Variants in HCRTR2 observed in about 807,000 individuals in gnomAD.
HCRTR2 encodes hypocretin receptor 2.
In HCRTR2, 22 loss-of-function variants were observed where a neutral mutation model predicts 49.0. The ratio of observed to expected loss-of-function variants is 0.45; its 90% CI spans 0.32 to 0.64. HCRTR2 has a LOEUF of 0.64. Among genes scored for constraint, HCRTR2 ranks in the 30% least tolerant of loss-of-function variants. HCRTR2 has a pLI of 0.04. For missense variants in HCRTR2, 491 were observed against 559.4 expected, an observed-to-expected ratio of 0.88 and a Z score of 1.23; for synonymous variants, 236 against 205.3, an observed-to-expected ratio of 1.15 and a Z score of -1.28.
chr6:55,238,416 C>T lies in HCRTR2; in HGVS notation c.224-10223C>T, dbSNP rs765217154. 3.7e-4 allele frequency among the ~76,000 whole-genome samples: 56 copies of T among 152,288 alleles called. 1 individual carries two copies. Among genetic ancestry groups the T allele is most frequent in the Middle Eastern group, 3.4e-3 (1 of 294 alleles). Reference sequence around the variant, plus strand: ...GCAACATAAAGACATATATTTTCCACATATTCCGCCTAAGTAATCTTTGAA... The same window carrying T: ...GCAACATAAAGACATATATTTTCCATATATTCCGCCTAAGTAATCTTTGAA... On this transcript the variant is annotated intron_variant, in intron 1 of 6. Coordinates refer to ENST00000370862, the MANE Select transcript of HCRTR2 (RefSeq NM_001384272.1).
chr6:55,180,069 T>G (rs1765104935), intron 1 of HCRTR2, among the ~76,000 whole-genome samples: 1 of 152,234 alleles, frequency 6.6e-6, no homozygotes, highest in African/African-American at 2.4e-5. Context: ...CAAAGGAAAT[T>G]TGTTGAATAT....
chr6:55,190,536 G>A (rs1014117267), intron 1 of HCRTR2, among the ~76,000 whole-genome samples: 6 of 152,158 alleles, frequency 3.9e-5, no homozygotes, highest in Non-Finnish European at 7.3e-5. Context: ...GACAGGTATG[G>A]TGAAATACAT....
At chr6:55,218,660 C>G (rs989849706) in intron 1 of HCRTR2, among the ~76,000 whole-genome samples, 3 of 151,842 alleles carry the variant, frequency 2.0e-5, no homozygotes, top group Non-Finnish European at 4.4e-5. Flanking sequence ...TCACAAGGAA[C>G]AAAGAAGGAC....
chr6:55,186,844 C>T (rs1765223781), intron 1 of HCRTR2, among the ~76,000 whole-genome samples: 1 of 152,134 alleles, frequency 6.6e-6, no homozygotes, highest in South Asian at 2.1e-4. Flanking sequence ...CCCATAGAGC[C>T]TAAGCTTTAG....
At chr6:55,193,206 G>C (rs1765350926) in intron 1 of HCRTR2, among the ~76,000 whole-genome samples, 1 of 152,092 alleles carries the variant, frequency 6.6e-6, no homozygotes, top group Admixed American at 6.6e-5. Context: ...TTAACCTCAA[G>C]GACATGACAG....
chr6:55,221,678 T>C (rs111977492), intron 1 of HCRTR2, among the ~76,000 whole-genome samples: 2,326 of 151,724 alleles, frequency 0.015, 65 homozygotes, highest in African/African-American at 0.053. Flanking sequence ...CCGGGCGTGG[T>C]GGTGGGCGCC....
intron 1 of HCRTR2, among the ~76,000 whole-genome samples, chr6:55,160,010 A>G (rs970332019): frequency 6.6e-6 from 1 of 152,156 alleles, no homozygotes; most frequent in African/African-American, 2.4e-5. Context: ...ACTCCTCGAG[A>G]AAAACAACCC....
Position 55,267,404 on chromosome 6 carries a change from G to GTTTTT in HCRTR2, c.762+3595_762+3599dup, listed in dbSNP as rs200158940. On this transcript the variant is annotated intron_variant, in intron 4 of 6. Transcript: ENST00000370862. ...AACTACTTAAATTCTCTCTCTCTCT[G>GTTTTT]TTTTTTTTTTTTTTTTTGGCAATTC... is the stretch of plus-strand genomic sequence containing the variant. Among the ~76,000 whole-genome samples, 97 of 124,542 alleles carry GTTTTT rather than the reference G, an allele frequency of 7.8e-4. 1 individual carries two copies. The highest frequency in any genetic ancestry group is 2.7e-3 in the African/African-American group (91 of 33,538). 81.7% of individuals were successfully genotyped at this position (124,542 alleles called of 152,430 possible).
At chr6:55,137,109 T>C (rs542473405) in intron 1 of HCRTR2, among the ~76,000 whole-genome samples, 1 of 152,306 alleles carries the variant, frequency 6.6e-6, no homozygotes, top group African/African-American at 2.4e-5. Context: ...TGACCTTGGA[T>C]GACTAATAAT....
intron 1 of HCRTR2, among the ~76,000 whole-genome samples, chr6:55,207,418 T>C (rs1314492703): frequency 6.6e-6 from 1 of 152,182 alleles, no homozygotes; most frequent in Admixed American, 6.5e-5. Flanking sequence ...AATAATTATC[T>C]GTCTTTTCAA....
At chr6:55,149,209 T>C (rs1248131133) in intron 1 of HCRTR2, among the ~76,000 whole-genome samples, 1 of 151,448 alleles carries the variant, frequency 6.6e-6, no homozygotes, top group Non-Finnish European at 1.5e-5. Context: ...CCAAATACAG[T>C]TTTGTTTTGT....
chr6:55,254,738 T>C (rs1235325350), intron 2 of HCRTR2, among the ~76,000 whole-genome samples: 1 of 151,750 alleles, frequency 6.6e-6, no homozygotes, highest in African/African-American at 2.4e-5. Flanking sequence ...TAATTGAGGC[T>C]TTTCCAGTTT....
chr6:55,155,748 T>G (rs12525431), intron 1 of HCRTR2, among the ~76,000 whole-genome samples: 36,890 of 151,824 alleles, frequency 0.24, 4,938 homozygotes, highest in East Asian at 0.52. Flanking sequence ...GACAAAAAAA[T>G]CAGATTGAAT....
intron 1 of HCRTR2, among the ~76,000 whole-genome samples, chr6:55,244,043 G>A (rs1490469940): frequency 2.0e-5 from 3 of 152,078 alleles, no homozygotes; most frequent in African/African-American, 7.2e-5. Context: ...AATGGCATGA[G>A]TGATGGTCTG....
chr6:55,204,687 G>C (rs1285346574), intron 1 of HCRTR2, among the ~76,000 whole-genome samples: 1 of 152,132 alleles, frequency 6.6e-6, no homozygotes, highest in African/African-American at 2.4e-5. Flanking sequence ...AGAAAGTCAA[G>C]GATGTCACCA....
At chr6:55,197,106 A>G (rs1765429763) in intron 1 of HCRTR2, among the ~76,000 whole-genome samples, 1 of 152,202 alleles carries the variant, frequency 6.6e-6, no homozygotes, top group Non-Finnish European at 1.5e-5. Context: ...CTGTAAAACT[A>G]AATTTAACTC....
At chr6:55,161,546 G>GT (rs369811914) in intron 1 of HCRTR2, among the ~76,000 whole-genome samples, 139 of 151,730 alleles carry the variant, frequency 9.2e-4, no homozygotes, top group Non-Finnish European at 1.7e-3. Flanking sequence ...TCCAAGAGCT[G>GT]TTTTTTTTGA....
chr6:55,174,661 A>G lies in HCRTR2; in HGVS notation c.74A>G (p.Gln25Arg). Residue 25 changes from glutamine (Q) to arginine (R), a missense_variant, in exon 1 of 7, where the codon CAA becomes CGA. Physicochemically the swap from Gln to Arg is conservative, Grantham distance 43. Coordinates refer to ENST00000370862, the MANE Select transcript of HCRTR2 (RefSeq NM_001384272.1). ...TCTGCTTCGGAGCTGAATGAAACTC[A>G]AGAGCCCTTTTTAAACCCCACCGAC... The part of the protein sequence containing the change: ...WSSASELNET[Q>R]EPFLNPTDYD... 6.2e-7 allele frequency: 1 copy of G among 1,613,966 alleles called. No homozygotes were observed. Among genetic ancestry groups the G allele is most frequent in the African/African-American group, 1.3e-5 (1 of 74,960 alleles).
At chr6:55,146,738 A>G (rs1764585742) in intron 1 of HCRTR2, among the ~76,000 whole-genome samples, 2 of 152,174 alleles carry the variant, frequency 1.3e-5, no homozygotes, top group South Asian at 4.1e-4. Context: ...AAACTTTAGC[A>G]TACATATGAA....
Sources: allele counts gnomAD v4.1 joint callset (sites outside exome capture counted in the v4.1 genomes callset), GRCh38; gene constraint gnomAD v4.1.1; transcripts MANE v1.5; gene names NCBI Gene and HGNC (gene_info 2026-07-23, HGNC 2026-07-21).